The following MAPK10 variants were observed in gnomAD, a reference collection of about 807,000 sequenced individuals.
The protein encoded by MAPK10 is mitogen-activated protein kinase 10, also known as JNK3 alpha protein kinase.
In MAPK10, 25 loss-of-function variants were observed where a neutral mutation model predicts 59.3. The ratio of observed to expected loss-of-function variants is 0.42; its 90% CI spans 0.31 to 0.59. The LOEUF (loss-of-function observed/expected upper bound fraction) is 0.59. Among genes scored for constraint, MAPK10 ranks in the 20% least tolerant of loss-of-function variants. The probability of loss-of-function intolerance (pLI) is 0.15; values close to 1 mark genes in which losing one functional copy is unlikely to be tolerated. For missense variants in MAPK10, 351 were observed against 568.9 expected, an observed-to-expected ratio of 0.62 and a Z score of 3.90; for synonymous variants, 190 against 200.5, an observed-to-expected ratio of 0.95 and a Z score of 0.44.
chr4:86,215,519 AT>A (rs1280418886), intron 2 of MAPK10, among the ~76,000 whole-genome samples: 1 of 152,206 alleles, frequency 6.6e-6, no homozygotes, highest in African/African-American at 2.4e-5. Context: ...ATAAAAAGAA[AT>A]TCAAATCCAA....
chr4:86,345,557 C>CTTT (rs1727640426), intron 2 of MAPK10, among the ~76,000 whole-genome samples: 1 of 152,102 alleles, frequency 6.6e-6, no homozygotes, highest in African/African-American at 2.4e-5. Flanking sequence ...CTATTGGTGT[C>CTTT]TTAGTCACTT....
At chr4:86,042,403 T>A (rs1198977918) in intron 11 of MAPK10, among the ~76,000 whole-genome samples, 1 of 152,092 alleles carries the variant, frequency 6.6e-6, no homozygotes. Context: ...GCTGGGTTGA[T>A]AGGTGCAGCA....
intron 2 of MAPK10, among the ~76,000 whole-genome samples, chr4:86,261,933 T>A (rs987366757): frequency 6.6e-6 from 1 of 152,256 alleles, no homozygotes; most frequent in Non-Finnish European, 1.5e-5. Context: ...ATAACTGACA[T>A]TGCCCTGCTG....
intron 4 of MAPK10, among the ~76,000 whole-genome samples, chr4:86,149,897 C>T (rs1311417149): frequency 1.3e-5 from 2 of 152,108 alleles, no homozygotes. Flanking sequence ...CCATCCCATT[C>T]CAAACGAGCC....
chr4:86,467,008 T>A (rs1409123262), intron 1 of MAPK10, among the ~76,000 whole-genome samples: 53 of 152,326 alleles, frequency 3.5e-4, no homozygotes, highest in Non-Finnish European at 1.5e-5. Context: ...GGAGTGAAGA[T>A]GATGTGGAAC....
chr4:86,488,980 T>C (rs1187556895), intron 1 of MAPK10, among the ~76,000 whole-genome samples: 3 of 152,224 alleles, frequency 2.0e-5, no homozygotes, highest in African/African-American at 7.2e-5. Flanking sequence ...GCATTCGGGC[T>C]TGTTCTCTTG....
intron 1 of MAPK10, among the ~76,000 whole-genome samples, chr4:86,470,119 G>A (rs2149065479): frequency 6.6e-6 from 1 of 152,266 alleles, no homozygotes; most frequent in Non-Finnish European, 1.5e-5. Flanking sequence ...GACCATGAAA[G>A]TCACAAAAGG....
intron 1 of MAPK10, among the ~76,000 whole-genome samples, chr4:86,542,218 TG>T (rs1213631911): frequency 6.6e-6 from 1 of 152,144 alleles, no homozygotes; most frequent in East Asian, 1.9e-4. Context: ...CATTGGCCTT[TG>T]TCTCTTGGCA....
chr4:86,475,945 C>T (rs950452381), intron 1 of MAPK10, among the ~76,000 whole-genome samples: 3 of 152,162 alleles, frequency 2.0e-5, no homozygotes, highest in African/African-American at 7.2e-5. Flanking sequence ...TACCGTTTGG[C>T]CCCAATACAA....
chr4:86,115,555 G>T (rs932513338), intron 4 of MAPK10, among the ~76,000 whole-genome samples: 1 of 152,082 alleles, frequency 6.6e-6, no homozygotes, highest in African/African-American at 2.4e-5. Context: ...TCCGACCCCT[G>T]GGTTCAAGTG....
At chr4:86,356,135 A>G (rs1046855466) in intron 1 of MAPK10, among the ~76,000 whole-genome samples, 1 of 152,162 alleles carries the variant, frequency 6.6e-6, no homozygotes, top group African/African-American at 2.4e-5. Flanking sequence ...CAAATGCCCA[A>G]TTGCCTTATA....
At chr4:86,435,962 GATTA>G (rs1471924296) in intron 1 of MAPK10, among the ~76,000 whole-genome samples, 2 of 152,106 alleles carry the variant, frequency 1.3e-5, no homozygotes, top group African/African-American at 4.8e-5. Flanking sequence ...CAAACTTACT[GATTA>G]ATTTATACCA....
At position 86,463,649 on chromosome 4, in the gene MAPK10, C is replaced by T. The variant is rs112006052; in HGVS notation, c.-262-109005G>A. ...ATTACCATTGTGCCACACAAAGTAG[C>T]CATATGTAGGGATCAATTGGAAACA... is the stretch of plus-strand genomic sequence containing the variant. On this transcript the variant is annotated intron_variant, in intron 1 of 4. Coordinates refer to the MAPK10 transcript ENST00000502302. 7.7e-3 allele frequency among the ~76,000 whole-genome samples: 1,165 copies of T among 152,232 alleles called. 22 individuals are homozygous for T. Among genetic ancestry groups the T allele is most frequent in the African/African-American group, 0.026 (1,073 of 41,514 alleles).
intron 2 of MAPK10, among the ~76,000 whole-genome samples, chr4:86,209,861 C>T (rs544294347): frequency 1.3e-5 from 2 of 152,172 alleles, no homozygotes; most frequent in Admixed American, 6.6e-5. Context: ...AATCACATTA[C>T]CTGACTTCAA....
chr4:86,516,589 A>T (rs1223316299), intron 1 of MAPK10, among the ~76,000 whole-genome samples: 1 of 152,090 alleles, frequency 6.6e-6, no homozygotes, highest in East Asian at 1.9e-4. Context: ...CTTCGTAAAG[A>T]TCTTTCACCT....
intron 9 of MAPK10, among the ~76,000 whole-genome samples, chr4:86,076,713 A>G (rs1041737615): frequency 9.9e-5 from 15 of 152,212 alleles, no homozygotes; most frequent in Non-Finnish European, 2.1e-4. Context: ...TGATTTTTAA[A>G]TGGGAAAACA....
At chr4:86,286,039 A>T (rs1038146882) in intron 2 of MAPK10, among the ~76,000 whole-genome samples, 1 of 152,222 alleles carries the variant, frequency 6.6e-6, no homozygotes, top group African/African-American at 2.4e-5. Context: ...TTCAAATGCC[A>T]ATTTCTTCCA....
chr4:86,538,258 T>C (rs1241824052), intron 1 of MAPK10, among the ~76,000 whole-genome samples: 1 of 151,998 alleles, frequency 6.6e-6, no homozygotes, highest in Non-Finnish European at 1.5e-5. Context: ...GCGATTCTCC[T>C]GCCTCAGCCT....
In MAPK10 at chr4:86,554,825, A is replaced by G. The variant is rs141983670; in HGVS notation, c.-263+39085T>C. ...AAAAGCCAAGCTCTTTTGTATGGGC[A>G]CAATGCCCTTCATGATGTAACCCCA... On this transcript the variant is annotated intron_variant, in intron 1 of 4. Coordinates refer to the MAPK10 transcript ENST00000502302. Among the ~76,000 whole-genome samples, 53 of 152,330 alleles carry G rather than the reference A, an allele frequency of 3.5e-4. 1 individual carries two copies. Among genetic ancestry groups the G allele is most frequent in the African/African-American group, 1.2e-3 (51 of 41,578 alleles).
Sources: allele counts gnomAD v4.1 joint callset (sites outside exome capture counted in the v4.1 genomes callset), GRCh38; gene constraint gnomAD v4.1.1; transcripts MANE v1.5; gene names NCBI Gene and HGNC (gene_info 2026-07-23, HGNC 2026-07-21).